Variants in GBF1 observed in about 807,000 individuals in gnomAD.
GBF1 encodes golgi brefeldin A resistant guanine nucleotide exchange factor 1.
In GBF1, 114 loss-of-function variants were observed where a neutral mutation model predicts 210.5. The ratio of observed to expected loss-of-function variants is 0.54; its 90% CI spans 0.47 to 0.63. The LOEUF (loss-of-function observed/expected upper bound fraction) is 0.63. Among genes scored for constraint, GBF1 ranks in the 30% least tolerant of loss-of-function variants. The pLI, the probability that GBF1 is intolerant of heterozygous loss-of-function variation, is 0.00. For missense variants in GBF1, 1,851 were observed against 2,357.7 expected (o/e 0.79, Z 4.45); for synonymous variants, 850 against 889.2 (o/e 0.96, Z 0.78).
At chr10:102,341,237 AT>A (rs774379256) in intron 3 of GBF1, among the ~76,000 whole-genome samples, 10 of 152,218 alleles carry the variant, frequency 6.6e-5, no homozygotes, top group Non-Finnish European at 1.3e-4. Context: ...AGAAATGCAA[AT>A]TTAAACCACA....
chr10:102,355,645 G>A (rs1036431893), intron 8 of GBF1, among the ~76,000 whole-genome samples: 5 of 152,206 alleles, frequency 3.3e-5, no homozygotes, highest in African/African-American at 1.2e-4. Context: ...AGAAGGAAAC[G>A]TGAAAAACTG....
intron 3 of GBF1, among the ~76,000 whole-genome samples, chr10:102,260,464 T>C (rs774722331): frequency 2.2e-5 from 3 of 136,494 alleles, no homozygotes; most frequent in South Asian, 2.3e-4. Flanking sequence ...CTGGCCTATA[T>C]TTTCCTTTCT....
intron 3 of GBF1, among the ~76,000 whole-genome samples, chr10:102,334,168 CTG>C (rs1353355690): frequency 6.6e-6 from 1 of 152,122 alleles, no homozygotes; most frequent in African/African-American, 2.4e-5. Flanking sequence ...GAAGTAGACT[CTG>C]AGGGCAAAAA....
intron 3 of GBF1, among the ~76,000 whole-genome samples, chr10:102,316,413 G>T (rs1333172973): frequency 6.6e-6 from 1 of 152,092 alleles, no homozygotes; most frequent in Non-Finnish European, 1.5e-5. Flanking sequence ...GACCTGTCTA[G>T]TTTTTGACTG....
At chr10:102,361,964 C>A in intron 14 of GBF1, 52 bp downstream of exon 14, 2 of 1,105,292 alleles carry the variant, frequency 1.8e-6, no homozygotes, top group Non-Finnish European at 2.6e-6. Flanking sequence ...TAAAGGAAAT[C>A]TCCCTGGTGG....
At chr10:102,350,365 A>G (rs1268517193) in intron 4 of GBF1, among the ~76,000 whole-genome samples, 1 of 151,684 alleles carries the variant, frequency 6.6e-6, no homozygotes, top group East Asian at 1.9e-4. Context: ...AAAAAAAAAA[A>G]GTCTTCAATC....
chr10:102,362,049 T>TA, intron 14 of GBF1, 137 bp downstream of exon 14: 27 of 357,224 alleles, frequency 7.6e-5, no homozygotes, highest in Non-Finnish European at 1.1e-4. Flanking sequence ...TCTTTTCTTT[T>TA]CTTTTTTTTT....
At chr10:102,309,368 G>T (rs757633587) in intron 3 of GBF1, among the ~76,000 whole-genome samples, 1 of 152,200 alleles carries the variant, frequency 6.6e-6, no homozygotes, top group African/African-American at 2.4e-5. Context: ...AATTATTTTA[G>T]TCATCAGCTC....
intron 4 of GBF1, among the ~76,000 whole-genome samples, chr10:102,347,398 C>G (rs1010461254): frequency 3.3e-5 from 5 of 152,190 alleles, no homozygotes; most frequent in Non-Finnish European, 5.9e-5. Flanking sequence ...CCAGCCTTGC[C>G]CTGAGCACCA....
chr10:102,342,173 A>C (rs1332821831), intron 3 of GBF1, among the ~76,000 whole-genome samples: 2 of 151,490 alleles, frequency 1.3e-5, no homozygotes, highest in African/African-American at 4.9e-5. Flanking sequence ...AGTAGCTGGG[A>C]CTACAGGTGC....
At chr10:102,263,184 A>ATGAC (rs1369641866) in intron 3 of GBF1, among the ~76,000 whole-genome samples, 1 of 152,212 alleles carries the variant, frequency 6.6e-6, no homozygotes, top group African/African-American at 2.4e-5. Flanking sequence ...TCTGCAACCC[A>ATGAC]TGACTAATTT....
intron 3 of GBF1, among the ~76,000 whole-genome samples, chr10:102,343,080 G>C (rs927387826): frequency 6.6e-6 from 1 of 152,190 alleles, no homozygotes; most frequent in Non-Finnish European, 1.5e-5. Flanking sequence ...CTTCATCTCA[G>C]AGCAGTTAGT....
intron 3 of GBF1, among the ~76,000 whole-genome samples, chr10:102,263,767 A>G (rs1289728210): frequency 1.3e-5 from 2 of 152,326 alleles, no homozygotes; most frequent in East Asian, 3.9e-4. Flanking sequence ...GGTCTATAGC[A>G]TTTAGAGTAA....
At chr10:102,337,267 A>G (rs2057819021) in intron 3 of GBF1, among the ~76,000 whole-genome samples, 1 of 98,878 alleles carries the variant, frequency 1.0e-5, no homozygotes, top group African/African-American at 4.2e-5. Context: ...AGTCCCAGGT[A>G]CTCGGGGGGC....
intron 3 of GBF1, among the ~76,000 whole-genome samples, chr10:102,264,391 C>G (rs2073618760): frequency 6.6e-6 from 1 of 152,198 alleles, no homozygotes; most frequent in Admixed American, 6.5e-5. Flanking sequence ...TAAATTTATT[C>G]AAACTGTAAT....
In GBF1 at chr10:102,380,678, T is replaced by G. The variant is rs770875787; in HGVS notation, c.5165T>G (p.Val1722Gly). The G allele has an allele frequency of 6.2e-7, 1 of 1,608,686 alleles. No individual in the cohort carries two copies. The highest frequency in any genetic ancestry group is 1.3e-5 in the African/African-American group (1 of 74,888). Residue 1722 changes from valine to glycine, a missense_variant, in exon 38 of 40, where the codon GTC becomes GGC. By Grantham distance (109) the Val-to-Gly change is moderately radical. Around this residue, in one of 3 missense-constraint regions of GBF1, gnomAD observed 967 missense variants for 1,247.7 expected, o/e 0.78. Coordinates refer to ENST00000369983, the MANE Select transcript of GBF1 (RefSeq NM_001377137.1). The part of the protein sequence containing the change: ...HLRDELFKQT[V>G]IQDPMPMEPQ... ...CGAGATGAACTCTTCAAGCAGACCG[T>G]CATCCAGGGTAGGGGGCTCAGCCCA... is the stretch of plus-strand genomic sequence containing the variant.
chr10:102,252,444 G>T (rs569277243), intron 1 of GBF1, among the ~76,000 whole-genome samples: 110 of 152,202 alleles, frequency 7.2e-4, no homozygotes, highest in Non-Finnish European at 1.1e-3. Flanking sequence ...ACTTTTGGAT[G>T]GAATGAGTAA....
chr10:102,257,112 C>A (rs1309597296), intron 1 of GBF1, among the ~76,000 whole-genome samples: 3 of 152,162 alleles, frequency 2.0e-5, no homozygotes, highest in Non-Finnish European at 4.4e-5. Context: ...TTTCACAGCA[C>A]CTTCTCTAGG....
At chr10:102,300,540 A>T (rs1377670523) in intron 3 of GBF1, among the ~76,000 whole-genome samples, 1 of 152,230 alleles carries the variant, frequency 6.6e-6, no homozygotes, top group Non-Finnish European at 1.5e-5. Context: ...CAAGTTAAAT[A>T]AATGGTAAAA....
Sources: allele counts gnomAD v4.1 joint callset (sites outside exome capture counted in the v4.1 genomes callset), GRCh38; gene constraint gnomAD v4.1.1; regional missense constraint gnomAD v4.1.1; transcripts MANE v1.5; gene names NCBI Gene and HGNC (gene_info 2026-07-23, HGNC 2026-07-21).